Variants in USP5 observed in about 807,000 individuals in gnomAD.
USP5 encodes the protein ubiquitin specific peptidase 5.
USP5 carries 24 observed loss-of-function variants against 102.5 expected under a neutral mutation model. The ratio of observed to expected loss-of-function variants is 0.23; its 90% CI spans 0.17 to 0.33. The LOEUF (loss-of-function observed/expected upper bound fraction) is 0.33. Ranked by LOEUF, USP5 falls within the 10% of genes least tolerant of loss-of-function variation. USP5 has a pLI of 1.00. For synonymous variants in USP5, 460 were observed against 434.8 expected (o/e 1.06, Z -0.72); for missense variants, 753 against 1,122.1 (o/e 0.67, Z 4.70).
rs112029690 is a variant in USP5 at position 6,861,642 on chromosome 12, G to A, written c.1673+25G>A. 253 of 1,513,912 alleles carry A rather than the reference G, an allele frequency of 1.7e-4. 3 individuals carry two copies. The African/African-American group carries it at 2.8e-3, about 17-fold the overall frequency. The allele number at this position is 1,513,912 out of a possible 1,614,324, so 93.8% of individuals were successfully genotyped here. A position where few individuals can be genotyped will look rare whatever the true frequency, so the allele number is the denominator to read the frequency against. Reference sequence around the variant, plus strand: ...AGTAAGTCCTCTGGTCGGGGCCTGAGGCTGTGGGTCTATGGCAGAGCTATC... The same window carrying A: ...AGTAAGTCCTCTGGTCGGGGCCTGAAGCTGTGGGTCTATGGCAGAGCTATC... On this transcript the variant is annotated intron_variant, in intron 13 of 19. Coordinates refer to ENST00000229268, the MANE Select transcript of USP5 (RefSeq NM_001098536.2). This position sits in a 1 kb window ranked among gnomAD's most constrained non-coding sequence, Gnocchi z 4.9.
rs1555128369 is a variant in USP5 at position 6,856,605 on chromosome 12, GA to G, written c.585-101del. ...ATGGGGATGGCCAGAGGAGAAGAGA[GA>G]GAGACCTTGGATTGGCGGGGGGCCT... On this transcript the variant is annotated intron_variant, in intron 5 of 19. Coordinates refer to ENST00000229268, the MANE Select transcript of USP5 (RefSeq NM_001098536.2). This position sits in a 1 kb window ranked among gnomAD's most constrained non-coding sequence, Gnocchi z 5.6. The G allele has an allele frequency of 6.0e-5, 93 of 1,561,408 alleles. No individual in the cohort carries two copies. In the African/African-American group the frequency reaches 1.1e-3, roughly 19 times the overall value.
chr12:6,860,817 A>C lies in USP5; in HGVS notation c.1345-136A>C. On this transcript the variant is annotated intron_variant, in intron 11 of 19. Transcript: ENST00000229268. The surrounding 1 kb of genome is among the most constrained non-coding windows in gnomAD (Gnocchi z 5.5). Reference sequence around the variant, plus strand: ...TGGGGAGGGGTTGGTGAATTAGGGAAGGTTTCTGCTCTGCTCTTGTGTCCC... The same window carrying C: ...TGGGGAGGGGTTGGTGAATTAGGGACGGTTTCTGCTCTGCTCTTGTGTCCC... 2.3e-6 allele frequency: 3 copies of C among 1,303,004 alleles called. No homozygotes were observed. Among genetic ancestry groups the C allele is most frequent in the Non-Finnish European group, 3.2e-6 (3 of 939,036 alleles). 80.7% of individuals were successfully genotyped at this position (1,303,004 alleles called of 1,614,324 possible).
chr12:6,863,022 G>C lies in USP5; in HGVS notation c.1763-164G>C, dbSNP rs999894843. ...AGCATCCTGGCCTCCCAACTCCCAG[G>C]CTTAGTATTATTTGTCTTATACTGG... On this transcript the variant is annotated intron_variant, in intron 14 of 19. Transcript: ENST00000229268. This position sits in a 1 kb window ranked among gnomAD's most constrained non-coding sequence, Gnocchi z 4.7. 14 of 643,044 alleles carry C rather than the reference G, an allele frequency of 2.2e-5. No individual in the cohort carries two copies. The highest frequency in any genetic ancestry group is 3.6e-5 in the Non-Finnish European group (14 of 392,140). 39.8% of individuals were successfully genotyped at this position (643,044 alleles called of 1,614,324 possible).
At chr12:6,857,503 A>G in intron 6 of USP5, 126 bp from the exon 7 acceptor site, 1 of 741,442 alleles carries the variant, frequency 1.3e-6, no homozygotes, top group Non-Finnish European at 2.3e-6. Context: ...ATTCAAGGGA[A>G]CCAAGAGGGT....
Position 6,858,853 on chromosome 12 carries a change from C to A in USP5, c.1058+236C>A. ...GGGCAACATAGCGAGACCCTGTCTT[C>A]TCTTAAAAAAAAAAAAGAATAATTC... On this transcript the variant is annotated intron_variant, in intron 8 of 19. Coordinates refer to ENST00000229268, the MANE Select transcript of USP5 (RefSeq NM_001098536.2). The surrounding 1 kb of genome is among the most constrained non-coding windows in gnomAD (Gnocchi z 4.2). The A allele has an allele frequency of 2.5e-6, 1 of 396,402 alleles. No homozygotes were observed. The highest frequency in any genetic ancestry group is 4.6e-6 in the Non-Finnish European group (1 of 217,552). The allele number at this position is 396,402 out of a possible 1,614,324, so 24.6% of individuals were successfully genotyped here. A position where few individuals can be genotyped will look rare whatever the true frequency, so the allele number is the denominator to read the frequency against.
At position 6,863,995 on chromosome 12, in the gene USP5, G is replaced by C; in HGVS notation, c.2098+22G>C. ...CCAGGTAGGCTGGGGTGGGGAGCAG[G>C]GTGGGGCAGGGCCTCCATCCTCCCC... is the stretch of plus-strand genomic sequence containing the variant. On this transcript the variant is annotated intron_variant, in intron 16 of 19. Coordinates refer to ENST00000229268, the MANE Select transcript of USP5 (RefSeq NM_001098536.2). The surrounding 1 kb of genome is among the most constrained non-coding windows in gnomAD (Gnocchi z 4.7). The C allele has an allele frequency of 6.3e-7, 1 of 1,582,428 alleles. No homozygotes were observed. The highest frequency in any genetic ancestry group is 8.6e-7 in the Non-Finnish European group (1 of 1,159,100).
rs114768694 is a variant in USP5, at chr12:6,862,254, T to C, written c.1674-216T>C. ...AGCCACCATGCCTGGGCTTTTTTCTTTTTCTTTTTTTTGTTGACAGCCTTC... is the reference window on the plus strand; with the variant it reads ...AGCCACCATGCCTGGGCTTTTTTCTCTTTCTTTTTTTTGTTGACAGCCTTC... On this transcript the variant is annotated intron_variant, in intron 13 of 19. Coordinates refer to ENST00000229268, the MANE Select transcript of USP5 (RefSeq NM_001098536.2). 6.6e-3 allele frequency among the ~76,000 whole-genome samples: 1,005 copies of C among 152,230 alleles called. 14 individuals are homozygous for C. The highest frequency in any genetic ancestry group is 0.023 in the African/African-American group (944 of 41,544).
Position 6,860,292 on chromosome 12 carries a change from T to C in USP5, c.1218+54T>C. On this transcript the variant is annotated intron_variant, in intron 10 of 19. Coordinates refer to ENST00000229268, the MANE Select transcript of USP5 (RefSeq NM_001098536.2). This position sits in a 1 kb window ranked among gnomAD's most constrained non-coding sequence, Gnocchi z 5.5. ...CCCTGGGATTGTGGGGAAGCTGAGG[T>C]CTGGGAGATGTCTAAAGAAGGCCCC... 1 of 1,612,196 alleles carries C rather than the reference T, an allele frequency of 6.2e-7. No homozygotes were observed. The highest frequency in any genetic ancestry group is 1.3e-5 in the African/African-American group (1 of 74,852).
At chr12:6,862,650 T>A in intron 14 of USP5, 92 bp downstream of exon 14, 1 of 1,211,096 alleles carries the variant, frequency 8.3e-7, no homozygotes, top group South Asian at 1.4e-5. Context: ...CAAAGTTTCC[T>A]CTGAAAGAGG....
Position 6,866,194 on chromosome 12 carries a change from G to A in USP5, c.*117G>A. 1 of 959,822 alleles carries A rather than the reference G, an allele frequency of 1.0e-6. No homozygotes were observed. Among genetic ancestry groups the A allele is most frequent in the Non-Finnish European group, 1.6e-6 (1 of 636,610 alleles). 59.5% of individuals were successfully genotyped at this position (959,822 alleles called of 1,614,324 possible). ...TGTACCCTTTTTCCTTTTGTCCCCG[G>A]CAGCAGGGAAGAAGCTGGAGGCCGT... On this transcript the variant is annotated 3_prime_UTR_variant, in exon 20 of 20. Transcript: ENST00000229268. The surrounding 1 kb of genome is among the most constrained non-coding windows in gnomAD (Gnocchi z 4.7).
Position 6,865,208 on chromosome 12 carries a change from A to G in USP5, c.2443A>G (p.Met815Val), listed in dbSNP as rs782647212. Residue 815 changes from methionine to valine, a missense_variant, in exon 19 of 20, where the codon ATG becomes GTG. Transcript: ENST00000229268. ...AFISHMGTST[M>V]CGHYVCHIKK... The stretch of plus-strand genomic sequence containing the variant: ...CATTAGTCACATGGGCACCTCTACC[A>G]TGTGTGGTCACTACGTCTGCCACAT... The G allele has an allele frequency of 6.2e-7, 1 of 1,613,952 alleles. No individual in the cohort carries two copies. Among genetic ancestry groups the G allele is most frequent in the Non-Finnish European group, 8.5e-7 (1 of 1,179,870 alleles).
At chr12:6,853,188 C>CCCCCTCACCACCCCT (rs1555127425) in intron 1 of USP5, among the ~76,000 whole-genome samples, 1 of 152,178 alleles carries the variant, frequency 6.6e-6, no homozygotes, top group East Asian at 1.9e-4. Context: ...TGGGATCCGC[C>CCCCCTCACCACCCCT]CCCCTCACCA....
chr12:6,863,727 T>C lies in USP5; in HGVS notation c.1955-103T>C. ...AAGGTGCCAATCCATGGGAGAAAAATGCATGGAATGGGTGATTGGAAGAGG... is the reference window on the plus strand; with the variant it reads ...AAGGTGCCAATCCATGGGAGAAAAACGCATGGAATGGGTGATTGGAAGAGG... On this transcript the variant is annotated intron_variant, in intron 15 of 19. Coordinates refer to ENST00000229268, the MANE Select transcript of USP5 (RefSeq NM_001098536.2). The surrounding 1 kb of genome is among the most constrained non-coding windows in gnomAD (Gnocchi z 4.7). The C allele has an allele frequency of 6.9e-7, 1 of 1,450,382 alleles. No individual in the cohort carries two copies. Among genetic ancestry groups the C allele is most frequent in the South Asian group, 1.4e-5 (1 of 69,174 alleles). The allele number at this position is 1,450,382 out of a possible 1,614,324, so 89.8% of individuals were successfully genotyped here.
chr12:6,859,472 A>G lies in USP5; in HGVS notation c.1061A>G (p.Tyr354Cys), dbSNP rs1315405427. 6.2e-7 allele frequency: 1 copy of G among 1,613,912 alleles called. No individual in the cohort carries two copies. The highest frequency in any genetic ancestry group is 8.5e-7 in the Non-Finnish European group (1 of 1,179,962). ...LFSIPDFQRK[Y>C]VDKLEKIFQN... ...ACTGTCCTTCCCTTGACTTTTAGGT[A>G]TGTGGATAAGCTGGAGAAGATCTTC... Residue 354 changes from tyrosine (Y) to cysteine (C), a missense_variant and splice_region_variant, in exon 9 of 20, where the codon TAT becomes TGT. By Grantham distance (194) the Tyr-to-Cys change is radical (BLOSUM62 -2). Transcript: ENST00000229268.
Position 6,855,526 on chromosome 12 carries a change from G to A in USP5, c.237G>A (p.Pro79=), listed in dbSNP as rs1555127963. 3.7e-6 allele frequency: 6 copies of A among 1,613,994 alleles called. No homozygotes were observed. The highest frequency in any genetic ancestry group is 4.2e-6 in the Non-Finnish European group (5 of 1,180,028). ...VYLHLRRTRR[P]KEEDPATGTG... is the part of the protein sequence containing the mutation. ...TGCACCTCCGGCGGACCCGGCGCCC[G>A]GTAGGAGCAGGGCTGGGGCAAGGCC... The change falls in exon 2 of 20, where the codon CCG becomes CCA. Residue 79 remains proline (P), a splice_region_variant and synonymous_variant. Transcript: ENST00000229268. The surrounding 1 kb of genome is among the most constrained non-coding windows in gnomAD (Gnocchi z 4.6).
Position 6,864,667 on chromosome 12 carries a change from C to G in USP5, c.2245-55C>G, listed in dbSNP as rs537866918. On this transcript the variant is annotated intron_variant, in intron 17 of 19. Transcript: ENST00000229268. This position sits in a 1 kb window ranked among gnomAD's most constrained non-coding sequence, Gnocchi z 4.8. ...TCGCGCCACTGCACTCCAGCCTGGG[C>G]GACAGAGCAAGACTCCGTCTCAAGA... 1.5e-5 allele frequency: 24 copies of G among 1,557,476 alleles called. No homozygotes were observed. The highest frequency in any genetic ancestry group is 2.0e-5 in the Non-Finnish European group (23 of 1,153,368).
At position 6,855,576 on chromosome 12, in the gene USP5, GA is replaced by G. The variant is rs1555127990; in HGVS notation, c.237+51del. On this transcript the variant is annotated intron_variant, in intron 2 of 19. Transcript: ENST00000229268. The surrounding 1 kb of genome is among the most constrained non-coding windows in gnomAD (Gnocchi z 4.6). ...CTGGGTACATTGTCTGTTCCATTCT[GA>G]CCTCCTATTGGACTCAGTTTCTTTT... The G allele has an allele frequency of 1.9e-6, 3 of 1,605,064 alleles. No homozygotes were observed. Among genetic ancestry groups the G allele is most frequent in the Non-Finnish European group, 2.5e-6 (3 of 1,176,498 alleles).
chr12:6,852,162 G>A lies in USP5; in HGVS notation c.-18G>A. The A allele has an allele frequency of 1.2e-6, 2 of 1,603,218 alleles. No homozygotes were observed. Among genetic ancestry groups the A allele is most frequent in the Non-Finnish European group, 1.7e-6 (2 of 1,175,524 alleles). ...AACGGTGGGAGCCGCCGTGTGTGGA[G>A]AAGCTGCTGCCGGTGTCATGGCGGA... On this transcript the variant is annotated 5_prime_UTR_variant, in exon 1 of 20. Coordinates refer to ENST00000229268, the MANE Select transcript of USP5 (RefSeq NM_001098536.2).
rs782361217 is a variant in USP5 at position 6,863,791 on chromosome 12, C to G, written c.1955-39C>G. 1 of 1,522,246 alleles carries G rather than the reference C, an allele frequency of 6.6e-7. No individual in the cohort carries two copies. The highest frequency in any genetic ancestry group is 8.8e-7 in the Non-Finnish European group (1 of 1,131,490). 94.3% of individuals were successfully genotyped at this position (1,522,246 alleles called of 1,614,324 possible). A position where few individuals can be genotyped will look rare whatever the true frequency, so the allele number is the denominator to read the frequency against. ...GGAGGGAGGAGGAGCAAACAGTGGC[C>G]CAATCAGTCGGTCCGTGTACCCACA... On this transcript the variant is annotated intron_variant, in intron 15 of 19. Transcript: ENST00000229268. This position sits in a 1 kb window ranked among gnomAD's most constrained non-coding sequence, Gnocchi z 4.7.
Sources: allele counts gnomAD v4.1 joint callset (sites outside exome capture counted in the v4.1 genomes callset), GRCh38; gene constraint gnomAD v4.1.1; non-coding constraint Gnocchi (gnomAD v3.1); transcripts MANE v1.5; gene names NCBI Gene and HGNC (gene_info 2026-07-23, HGNC 2026-07-21).